Variants in ZAN observed in about 807,000 individuals in gnomAD.
ZAN encodes zonadhesin.
In ZAN, 260 loss-of-function variants were observed where a neutral mutation model predicts 286.2. That is an observed-to-expected ratio of 0.91 (90% CI 0.82 to 1.01). The LOEUF (loss-of-function observed/expected upper bound fraction) is 1.01, where lower values mean the gene tolerates loss of function less well. Among genes scored for constraint, ZAN ranks in the 50% least tolerant of loss-of-function variants. The pLI is 0.00. For missense variants in ZAN, 3,410 were observed against 3,639.2 expected (o/e 0.94, Z 1.62); for synonymous variants, 1,368 against 1,417.5 (o/e 0.97, Z 0.79).
rs752064248 is a variant in ZAN, at chr7:100,786,100, A to T, written c.6938A>T (p.Gln2313Leu). The change falls in exon 37 of 48, where the codon CAG (glutamine) becomes CTG (leucine). Residue 2313 changes from glutamine to leucine, a missense_variant. By Grantham distance (113) the Gln-to-Leu change is moderately radical. Around this residue, in one of 7 missense-constraint regions of ZAN, gnomAD observed 1,289 missense variants for 1,314.3 expected, o/e 0.98. Coordinates refer to ENST00000613979, the MANE Select transcript of ZAN (RefSeq NM_003386.3). ...DFRCPSGSHC[Q>L]LTSDNSNSNC... ...CGATGCCCCTCTGGGTCCCACTGCC[A>T]GCTCACTTCCGACAACAGCAACAGC... 2.0e-5 allele frequency: 33 copies of T among 1,613,826 alleles called. No homozygotes were observed. Among genetic ancestry groups the T allele is most frequent in the Non-Finnish European group, 2.7e-5 (32 of 1,179,878 alleles).
Position 100,773,566 on chromosome 7 carries a change from G to A in ZAN, c.5634+73G>A, listed in dbSNP as rs1310562634. 7 of 1,572,986 alleles carry A rather than the reference G, an allele frequency of 4.5e-6. No homozygotes were observed. The Admixed American group carries it at 1.1e-4, about 24-fold the overall frequency. ...TTGGGGTCAGGGCAAGCTCAGGAGA[G>A]GCAGGAGGAAGGCTCAGAACCTGGG... On this transcript the variant is annotated intron_variant, in intron 30 of 47. Transcript: ENST00000613979.
In ZAN at chr7:100,753,106, A is replaced by C. The variant is rs941292062; in HGVS notation, c.3001A>C (p.Arg1001=). The change falls in exon 14 of 48, where the codon AGG becomes CGG. Residue 1001 remains arginine, a synonymous_variant. Transcript: ENST00000613979. ...TCCCACAGAGAAGCTCACAGCCCTGAGGCCACCCCATCCCAGCCCCACAGC... is the reference window on the plus strand; with the variant it reads ...TCCCACAGAGAAGCTCACAGCCCTGCGGCCACCCCATCCCAGCCCCACAGC... ...TIPTEKLTAL[R]PPHPSPTATG... is the part of the protein sequence containing the mutation. 1 of 1,613,908 alleles carries C rather than the reference A, an allele frequency of 6.2e-7. No homozygotes were observed. The highest frequency in any genetic ancestry group is 1.6e-4 in the Middle Eastern group (1 of 6,062).
intron 35 of ZAN, among the ~76,000 whole-genome samples, chr7:100,784,349 C>T (rs1436307145): frequency 5.9e-5 from 9 of 151,968 alleles, no homozygotes; most frequent in Admixed American, 1.3e-4. Flanking sequence ...AGGATGGTCT[C>T]GATCTCCTGA....
At chr7:100,786,266 A>T in intron 37 of ZAN, 125 bp downstream of exon 37, 4 of 1,422,112 alleles carry the variant, frequency 2.8e-6, no homozygotes, top group Non-Finnish European at 2.9e-6. Flanking sequence ...GGGGCGGGCG[A>T]CTGGATCAGG....
rs1307386637 is a variant in ZAN at position 100,772,873 on chromosome 7, TG to T, written c.5426-411del. ...ATTTTATGTCTGTTTTTTTTTTGTT[TG>T]TTTTTTTTTTTTTTTGCTTTTGAGA... is the stretch of plus-strand genomic sequence containing the variant. On this transcript the variant is annotated intron_variant, in intron 29 of 47. Transcript: ENST00000613979. Among the ~76,000 whole-genome samples, 492 of 147,668 alleles carry T rather than the reference TG, an allele frequency of 3.3e-3. 2 individuals are homozygous for T. The highest frequency in any genetic ancestry group is 0.011 in the African/African-American group (454 of 40,032).
rs749296995 is a variant in ZAN, at chr7:100,767,934, A to G, written c.4964A>G (p.Gln1655Arg). 1.9e-6 allele frequency: 3 copies of G among 1,613,934 alleles called. No individual in the cohort carries two copies. The highest frequency in any genetic ancestry group is 2.5e-6 in the Non-Finnish European group (3 of 1,179,876). ...LVLLYTNFGL[Q>R]VRYDGSHLVE... The stretch of plus-strand genomic sequence containing the variant: ...CTCCTCTACACGAACTTTGGGCTCC[A>G]AGTTCGCTACGACGGGAGCCACTTG... Residue 1655 changes from glutamine (Q) to arginine (R), a missense_variant, in exon 26 of 48, where the codon CAA (glutamine) becomes CGA (arginine). By Grantham distance (43) the Gln-to-Arg change is conservative (BLOSUM62 1). This residue lies in a region of ZAN where 1,042 missense variants were observed against 1,058.0 expected (regional missense o/e 0.98). Coordinates refer to ENST00000613979, the MANE Select transcript of ZAN (RefSeq NM_003386.3).
At chr7:100,754,754 G>A (rs1307339763) in intron 14 of ZAN, among the ~76,000 whole-genome samples, 2 of 151,746 alleles carry the variant, frequency 1.3e-5, no homozygotes, top group African/African-American at 4.8e-5. Context: ...TTACAGGGGT[G>A]TAATCCTGTA....
chr7:100,780,917 C>T (rs1401609375), intron 35 of ZAN, among the ~76,000 whole-genome samples: 6 of 151,646 alleles, frequency 4.0e-5, no homozygotes, highest in African/African-American at 1.2e-4. Context: ...TAATGAGACC[C>T]CCGCATCGCT....
intron 29 of ZAN, 74 bp downstream of exon 29, chr7:100,772,094 A>AT (rs1810408216): frequency 6.7e-6 from 9 of 1,349,788 alleles, no homozygotes; most frequent in South Asian, 1.6e-5. Flanking sequence ...CTTCCTCTAA[A>AT]TTCTTTTTTT....
intron 31 of ZAN, among the ~76,000 whole-genome samples, chr7:100,774,470 A>G (rs937101043): frequency 6.6e-6 from 1 of 152,162 alleles, no homozygotes; most frequent in Non-Finnish European, 1.5e-5. Flanking sequence ...TAGTAGTTCA[A>G]GACCAGCCTG....
At chr7:100,785,056 T>C (rs1811470892) in intron 36 of ZAN, among the ~76,000 whole-genome samples, 4 of 152,010 alleles carry the variant, frequency 2.6e-5, no homozygotes, top group Admixed American at 2.0e-4. Flanking sequence ...CATGGCATGG[T>C]ATAGTGGAAA....
At chr7:100,797,332 G>C (rs774641462) in intron 45 of ZAN, 34 bp from the exon 46 acceptor site, 2 of 1,606,848 alleles carry the variant, frequency 1.2e-6, no homozygotes, top group South Asian at 1.1e-5. Flanking sequence ...CCCGTCTCAC[G>C]TTCGACCTAA....
chr7:100,749,457 G>A (rs565821121), intron 11 of ZAN, among the ~76,000 whole-genome samples: 82 of 150,566 alleles, frequency 5.4e-4, no homozygotes, highest in East Asian at 4.2e-3. Context: ...TGGCTAACAC[G>A]GTGAAACCCC....
chr7:100,735,131 C>T (rs529321528), intron 2 of ZAN, among the ~76,000 whole-genome samples: 3 of 137,684 alleles, frequency 2.2e-5, no homozygotes, highest in Non-Finnish European at 4.8e-5. Context: ...CTGCAGTGAG[C>T]GGAAATTGCA....
At chr7:100,792,614 A>G in intron 42 of ZAN, 135 bp downstream of exon 42, 1 of 1,475,070 alleles carries the variant, frequency 6.8e-7, no homozygotes, top group East Asian at 2.5e-5. Flanking sequence ...CGCTCTTCCC[A>G]CCATTGCCTC....
Position 100,779,594 on chromosome 7 carries a change from C to G in ZAN, c.6466C>G (p.Arg2156Gly), listed in dbSNP as rs539457586. The stretch of plus-strand genomic sequence containing the variant: ...TCCTGTGTGGGCCCAGTGCGCCTCC[C>G]GCATAGACCTCACGCCCTTCCTGGT... ...RAPVWAQCASRIDLTPFLVDC... is the reference protein window; with the variant it reads ...RAPVWAQCASGIDLTPFLVDC... The change falls in exon 35 of 48, where the codon CGC becomes GGC. Residue 2156 changes from arginine (R) to glycine (G), a missense_variant. Physicochemically the swap from Arg to Gly is moderately radical, Grantham distance 125. Transcript: ENST00000613979. 6.2e-7 allele frequency: 1 copy of G among 1,608,754 alleles called. No homozygotes were observed. The highest frequency in any genetic ancestry group is 1.1e-5 in the South Asian group (1 of 90,096).
At chr7:100,774,088 A>G (rs1230867211) in intron 31 of ZAN, among the ~76,000 whole-genome samples, 1 of 152,158 alleles carries the variant, frequency 6.6e-6, no homozygotes, top group African/African-American at 2.4e-5. Context: ...TAGATGGGAT[A>G]TTATAAATCC....
chr7:100,748,044 G>A, intron 9 of ZAN, 93 bp from the exon 10 acceptor site: 1 of 1,034,422 alleles, frequency 9.7e-7, no homozygotes, highest in African/African-American at 1.6e-5. Flanking sequence ...CAGGGAGTAG[G>A]GATTCTGGGT....
chr7:100,791,986 A>T lies in ZAN; in HGVS notation c.7550A>T (p.Glu2517Val), dbSNP rs761550921. Residue 2517 changes from glutamate to valine, a missense_variant, in exon 41 of 48, where the codon GAG becomes GTG. Physicochemically the swap from Glu to Val is moderately radical, Grantham distance 121. This residue lies in a region of ZAN where 1,289 missense variants were observed against 1,314.3 expected (regional missense o/e 0.98). Coordinates refer to ENST00000613979, the MANE Select transcript of ZAN (RefSeq NM_003386.3). Reference protein sequence around the residue: ...RFPRAIPAEEEGQGAELGLRT... With the variant: ...RFPRAIPAEEVGQGAELGLRT... The stretch of plus-strand genomic sequence containing the variant: ...TGCAGGGCTATACCAGCGGAGGAGG[A>T]GGGACAAGGGGCGGAGCTGGGCCTC... 7 of 1,612,824 alleles carry T rather than the reference A, an allele frequency of 4.3e-6. No individual in the cohort carries two copies. The Admixed American group carries it at 1.2e-4, about 27-fold the overall frequency.
Sources: gnomAD v4.1 joint callset for allele counts (sites outside exome capture counted in the v4.1 genomes callset) on GRCh38, gnomAD v4.1.1 for gene constraint, gnomAD v4.1.1 regional missense constraint, MANE v1.5 for transcripts, NCBI Gene and HGNC (gene_info 2026-07-23, HGNC 2026-07-21) for gene names.